The following NEK11 variants were observed in gnomAD, a reference collection of about 807,000 sequenced individuals.
The protein encoded by NEK11 is serine/threonine-protein kinase Nek11.
Under a neutral mutation model 80.7 loss-of-function variants are expected in NEK11, and 72 were observed. The observed-to-expected ratio is 0.89, with a 90% CI of 0.74 to 1.08. NEK11 has a LOEUF of 1.08. Among genes scored for constraint, NEK11 ranks in the 50% least tolerant of loss-of-function variants. NEK11 has a pLI of 0.00. For missense variants in NEK11, 764 were observed against 763.6 expected (o/e 1.00, Z -0.01); for synonymous variants, 251 against 260.7 (o/e 0.96, Z 0.36).
intron 16 of NEK11, among the ~76,000 whole-genome samples, chr3:131,269,050 C>A (rs2096123190): frequency 1.3e-5 from 2 of 152,260 alleles, no homozygotes; most frequent in Non-Finnish European, 2.9e-5. Flanking sequence ...AACTTCCCAG[C>A]AGCTTTGTTT....
chr3:131,051,033 CA>C (rs889618657), intron 3 of NEK11, among the ~76,000 whole-genome samples: 1 of 151,588 alleles, frequency 6.6e-6, no homozygotes, highest in East Asian at 1.9e-4. Flanking sequence ...ACCCTGCCTC[CA>C]AAAAAAATTA....
intron 4 of NEK11, among the ~76,000 whole-genome samples, chr3:131,095,818 G>A (rs1039691418): frequency 1.3e-5 from 2 of 152,078 alleles, no homozygotes; most frequent in Admixed American, 6.6e-5. Context: ...GTTTGAGGTC[G>A]AAAGGCCTTA....
At chr3:131,262,375 A>T (rs976904739) in intron 16 of NEK11, among the ~76,000 whole-genome samples, 6 of 152,070 alleles carry the variant, frequency 3.9e-5, no homozygotes, top group African/African-American at 1.2e-4. Flanking sequence ...TACACAAATA[A>T]TTTTTTTAAC....
At chr3:131,164,472 A>G (rs2092003128) in intron 11 of NEK11, among the ~76,000 whole-genome samples, 1 of 152,178 alleles carries the variant, frequency 6.6e-6, no homozygotes, top group Admixed American at 6.5e-5. Flanking sequence ...TGTTCGTAAT[A>G]CCTCAGAAAT....
intron 14 of NEK11, among the ~76,000 whole-genome samples, chr3:131,207,490 G>A (rs1389005399): frequency 3.3e-5 from 5 of 152,164 alleles, no homozygotes; most frequent in African/African-American, 1.2e-4. Flanking sequence ...GGCTGAGGCA[G>A]GAGAATGGCA....
intron 17 of NEK11, among the ~76,000 whole-genome samples, chr3:131,280,914 A>G (rs889542772): frequency 4.6e-5 from 7 of 152,230 alleles, no homozygotes; most frequent in African/African-American, 1.7e-4. Flanking sequence ...TCTCTATGCA[A>G]TGGCTGATGA....
At chr3:131,058,698 G>A (rs960403255) in intron 3 of NEK11, among the ~76,000 whole-genome samples, 2 of 152,136 alleles carry the variant, frequency 1.3e-5, no homozygotes, top group African/African-American at 4.8e-5. Context: ...AGATATCACA[G>A]TTCCCTTAAG....
chr3:131,289,468 C>G (rs1561392626), intron 17 of NEK11, among the ~76,000 whole-genome samples: 1 of 152,196 alleles, frequency 6.6e-6, no homozygotes, highest in Non-Finnish European at 1.5e-5. Context: ...AGGCCCTTTT[C>G]TCCCTTGGTC....
intron 4 of NEK11, among the ~76,000 whole-genome samples, chr3:131,105,924 T>A (rs4974467): frequency 0.91 from 138,427 of 152,228 alleles, 63,456 homozygotes; most frequent in Non-Finnish European, 0.95. Flanking sequence ...ACAGAACAAT[T>A]CACATCCTCA....
chr3:131,032,655 C>T (rs1560099437), intron 3 of NEK11, among the ~76,000 whole-genome samples: 1 of 152,160 alleles, frequency 6.6e-6, no homozygotes. Context: ...TAAAGCCAGG[C>T]CTGTTCTTAA....
intron 14 of NEK11, among the ~76,000 whole-genome samples, chr3:131,190,361 A>T (rs758359406): frequency 1.5e-4 from 23 of 152,118 alleles, no homozygotes; most frequent in Non-Finnish European, 2.5e-4. Flanking sequence ...GGCTGGTGGG[A>T]GGTATTTGGA....
rs556909362 is a variant in NEK11, at chr3:131,332,358, G to C, written c.1719-17199G>C. Among the ~76,000 whole-genome samples the C allele has an allele frequency of 1.1e-4, 17 of 152,354 alleles. No homozygotes were observed. In the South Asian group the frequency reaches 2.5e-3, roughly 22 times the overall value. Reference sequence around the variant, plus strand: ...CGCTGCTGTTACCCAGGCAAACAGGGTCTGGAGTGGACCTCTAGCAAACTC... The same window carrying C: ...CGCTGCTGTTACCCAGGCAAACAGGCTCTGGAGTGGACCTCTAGCAAACTC... On this transcript the variant is annotated intron_variant, in intron 17 of 17. Coordinates refer to ENST00000383366, the MANE Select transcript of NEK11 (RefSeq NM_024800.5).
rs761832854 is a variant in NEK11, at chr3:131,165,463, C to T, written c.1120C>T (p.Arg374Ter). Reference protein sequence around the residue: ...VEEKYEENSKRMQELRSRNFQ... With the variant: ...VEEKYEENSK ...AGAAAAATATGAAGAAAATAGCAAACGAATGCAAGAATTGAGATCTCGGAA... is the reference window on the plus strand; with the variant it reads ...AGAAAAATATGAAGAAAATAGCAAATGAATGCAAGAATTGAGATCTCGGAA... The change falls in exon 12 of 18, where the codon CGA becomes TGA. Residue 374 changes from arginine (R) to a stop codon, truncating the protein, a stop_gained. Coordinates refer to ENST00000383366, the MANE Select transcript of NEK11 (RefSeq NM_024800.5). LOFTEE classifies it high-confidence loss of function. The T allele has an allele frequency of 1.4e-5, 22 of 1,612,280 alleles. No homozygotes were observed. The highest frequency in any genetic ancestry group is 2.2e-5 in the South Asian group (2 of 91,034).
chr3:131,130,983 G>T (rs1447979517), intron 5 of NEK11, among the ~76,000 whole-genome samples: 1 of 152,134 alleles, frequency 6.6e-6, no homozygotes, highest in Non-Finnish European at 1.5e-5. Flanking sequence ...TGTATTTTTA[G>T]TAGAGATGGA....
chr3:131,337,763 G>A (rs17335145), intron 17 of NEK11, among the ~76,000 whole-genome samples: 7,418 of 152,140 alleles, frequency 0.049, 262 homozygotes, highest in Non-Finnish European at 0.077. Flanking sequence ...CAGCTAGCTA[G>A]GAGCAAAGCC....
chr3:131,273,393 TTC>T (rs2096235618), intron 16 of NEK11, 83 bp from the exon 17 acceptor site: 1 of 962,994 alleles, frequency 1.0e-6, no homozygotes, highest in South Asian at 1.4e-5. Context: ...GTGGATTAGC[TTC>T]TGTTTTCTGA....
chr3:131,326,296 A>G (rs528994612), intron 17 of NEK11: 17 of 152,348 alleles, frequency 1.1e-4, no homozygotes, highest in African/African-American at 3.8e-4. Context: ...AATTCAAATC[A>G]TATCAACCCT....
chr3:131,041,243 T>C (rs1169465339), intron 3 of NEK11, among the ~76,000 whole-genome samples: 2 of 152,200 alleles, frequency 1.3e-5, no homozygotes, highest in African/African-American at 4.8e-5. Flanking sequence ...GTAATCAAAA[T>C]TACAGGAAGG....
intron 5 of NEK11, among the ~76,000 whole-genome samples, chr3:131,115,206 G>A (rs188131843): frequency 1.1e-4 from 16 of 152,282 alleles, no homozygotes; most frequent in Admixed American, 2.6e-4. Flanking sequence ...CACTACTTAA[G>A]CTAGACATCT....
Sources: gnomAD v4.1 joint callset for allele counts (sites outside exome capture counted in the v4.1 genomes callset) on GRCh38, gnomAD v4.1.1 for gene constraint, MANE v1.5 for transcripts, NCBI Gene and HGNC (gene_info 2026-07-23, HGNC 2026-07-21) for gene names.